STYK1: variants seen among roughly 807,000 people sequenced by gnomAD.
The protein encoded by STYK1 is tyrosine-protein kinase STYK1.
In STYK1, 46 loss-of-function variants were observed where a neutral mutation model predicts 48.1. The observed-to-expected ratio is 0.96, with a 90% CI of 0.75 to 1.22. The LOEUF is 1.22. Ranked by LOEUF, STYK1 falls within the 50% of genes most tolerant of loss-of-function variation. The probability of loss-of-function intolerance (pLI) is 0.00; values close to 1 mark genes in which losing one functional copy is unlikely to be tolerated. For missense variants in STYK1, 527 were observed against 521.1 expected (o/e 1.01, Z -0.11); for synonymous variants, 188 against 189.0 (o/e 0.99, Z 0.04).
At position 10,670,850 on chromosome 12, in the gene STYK1, T is replaced by C. The variant is rs542684570; in HGVS notation, c.-195+3116A>G. Among the ~76,000 whole-genome samples, 46 of 149,448 alleles carry C rather than the reference T, an allele frequency of 3.1e-4. No homozygotes were observed. The East Asian group carries it at 7.4e-3, about 24-fold the overall frequency. ...ATATGATAAATATATATATAATTTT[T>C]AATTTTTTTAATTAAACATAAATTT... On this transcript the variant is annotated intron_variant, in intron 1 of 10. Transcript: ENST00000075503.
At chr12:10,622,802 G>T in intron 8 of STYK1, 124 bp from the exon 9 acceptor site, 1 of 1,135,084 alleles carries the variant, frequency 8.8e-7, no homozygotes, top group South Asian at 1.4e-5. Flanking sequence ...AATCAAGGAT[G>T]AGTGTCTGAA....
At chr12:10,654,518 T>C (rs750073000) in intron 1 of STYK1, among the ~76,000 whole-genome samples, 9 of 152,034 alleles carry the variant, frequency 5.9e-5, no homozygotes, top group Non-Finnish European at 1.3e-4. Flanking sequence ...CCAAAGGAAA[T>C]AGACCACAGC....
At chr12:10,637,636 T>C (rs1306376816) in intron 1 of STYK1, among the ~76,000 whole-genome samples, 1 of 152,130 alleles carries the variant, frequency 6.6e-6, no homozygotes, top group East Asian at 1.9e-4. Flanking sequence ...CCACTGCGCC[T>C]GGCCGAGTCT....
chr12:10,671,610 C>A (rs766604493), intron 1 of STYK1, among the ~76,000 whole-genome samples: 27 of 152,142 alleles, frequency 1.8e-4, no homozygotes, highest in African/African-American at 5.6e-4. Context: ...ATTTGGAAAC[C>A]TGCCCATCCA....
At chr12:10,650,522 G>T (rs907379416) in intron 1 of STYK1, among the ~76,000 whole-genome samples, 1 of 152,184 alleles carries the variant, frequency 6.6e-6, no homozygotes, top group Non-Finnish European at 1.5e-5. Context: ...TCCTGATCAA[G>T]CTTCCCTTTT....
At chr12:10,639,729 T>TA (rs1565565508) in intron 1 of STYK1, among the ~76,000 whole-genome samples, 1 of 152,226 alleles carries the variant, frequency 6.6e-6, no homozygotes, top group African/African-American at 2.4e-5. Flanking sequence ...AGCCACTTTT[T>TA]AAAAAAAAAT....
intron 6 of STYK1, 28 bp downstream of exon 6, chr12:10,629,465 C>A (rs374992960): frequency 1.4e-5 from 22 of 1,611,640 alleles, no homozygotes; most frequent in Non-Finnish European, 1.8e-5. Context: ...AAGCCTTAAC[C>A]TCCTAATACC....
intron 5 of STYK1, 83 bp downstream of exon 5, chr12:10,630,962 C>T: frequency 6.5e-7 from 1 of 1,528,746 alleles, no homozygotes; most frequent in Non-Finnish European, 9.0e-7. Context: ...TCACAACTAT[C>T]TGTTAGTTAA....
intron 1 of STYK1, among the ~76,000 whole-genome samples, chr12:10,660,361 T>A (rs1189604398): frequency 6.6e-6 from 1 of 152,268 alleles, no homozygotes; most frequent in East Asian, 1.9e-4. Context: ...CACTAATAGT[T>A]AGGTATCAAT....
chr12:10,668,206 T>C (rs1017174629), intron 1 of STYK1, among the ~76,000 whole-genome samples: 8 of 152,052 alleles, frequency 5.3e-5, no homozygotes, highest in Non-Finnish European at 7.4e-5. Context: ...AAAATAATAA[T>C]AAAACAACTA....
rs11268204 is a variant in STYK1, at chr12:10,630,032, GGAGAGA to G, written c.452-364_452-359del. Among the ~76,000 whole-genome samples, 252 of 137,232 alleles carry G rather than the reference GGAGAGA, an allele frequency of 1.8e-3. 1 individual carries two copies. Among genetic ancestry groups the G allele is most frequent in the African/African-American group, 6.8e-3 (229 of 33,764 alleles). 90.0% of individuals were successfully genotyped at this position (137,232 alleles called of 152,430 possible). A position where few individuals can be genotyped will look rare whatever the true frequency, so the allele number is the denominator to read the frequency against. ...CCATTACTGGCCCATATCATGAAGAGGAGAGAGAGAGAGAGAGAGAGAGAGAGAGAG... is the reference window on the plus strand; with the variant it reads ...CCATTACTGGCCCATATCATGAAGAGGAGAGAGAGAGAGAGAGAGAGAGAG... On this transcript the variant is annotated intron_variant, in intron 5 of 10. Transcript: ENST00000075503.
In STYK1 at chr12:10,619,837, G is replaced by A. The variant is rs1865875937; in HGVS notation, c.*307C>T. On this transcript the variant is annotated 3_prime_UTR_variant, in exon 11 of 11. Coordinates refer to ENST00000075503, the MANE Select transcript of STYK1 (RefSeq NM_018423.3). ...AACTAGCCTCGGACGGGAGGGATGA[G>A]CTTATTTGTGCCATGCCCCAACAAA... 1 of 427,264 alleles carries A rather than the reference G, an allele frequency of 2.3e-6. No homozygotes were observed. The highest frequency in any genetic ancestry group is 3.4e-5 in the East Asian group (1 of 29,840). The allele number at this position is 427,264 out of a possible 1,614,324, so 26.5% of individuals were successfully genotyped here.
intron 1 of STYK1, among the ~76,000 whole-genome samples, chr12:10,671,792 G>A (rs1331849626): frequency 6.6e-6 from 1 of 152,192 alleles, no homozygotes; most frequent in African/African-American, 2.4e-5. Flanking sequence ...CATGTTGGTT[G>A]GGACTGGTTG....
Position 10,672,265 on chromosome 12 carries a change from G to A in STYK1, c.-195+1701C>T, listed in dbSNP as rs1056033957. ...CACCCGGGGCGCCGACAGGTACGGG[G>A]TGCACAGCAGGAAATCAGAGGCAGG... On this transcript the variant is annotated intron_variant, in intron 1 of 10. Coordinates refer to ENST00000075503, the MANE Select transcript of STYK1 (RefSeq NM_018423.3). This position sits in a 1 kb window ranked among gnomAD's most constrained non-coding sequence, Gnocchi z 4.0. Among the ~76,000 whole-genome samples the A allele has an allele frequency of 6.6e-6, 1 of 152,140 alleles. No homozygotes were observed. Among genetic ancestry groups the A allele is most frequent in the African/African-American group, 2.4e-5 (1 of 41,426 alleles).
In STYK1 at chr12:10,624,826, C is replaced by A; in HGVS notation, c.751G>T (p.Asp251Tyr). 5 of 1,614,140 alleles carry A rather than the reference C, an allele frequency of 3.1e-6. No homozygotes were observed. The highest frequency in any genetic ancestry group is 4.2e-6 in the Non-Finnish European group (5 of 1,180,014). ...ATCAGAATATTCCTGGCTGCCACATCCCCATGGAACAAATGCTTCTCCTGC... is the reference window on the plus strand; with the variant it reads ...ATCAGAATATTCCTGGCTGCCACATACCCATGGAACAAATGCTTCTCCTGC... ...FLQEKHLFHG[D>Y]VAARNILMQS... is the part of the protein sequence containing the mutation. Residue 251 changes from aspartate to tyrosine, a missense_variant, in exon 8 of 11, where the codon GAT becomes TAT. Asp to Tyr is a radical substitution (Grantham distance 160). Coordinates refer to ENST00000075503, the MANE Select transcript of STYK1 (RefSeq NM_018423.3).
intron 1 of STYK1, among the ~76,000 whole-genome samples, chr12:10,637,399 G>A (rs1036969246): frequency 1.3e-5 from 2 of 148,534 alleles, no homozygotes; most frequent in Non-Finnish European, 3.0e-5. Flanking sequence ...GTGCAGTGGC[G>A]TGATCTCTGC....
chr12:10,670,307 T>C (rs1325452652), intron 1 of STYK1, among the ~76,000 whole-genome samples: 1 of 152,100 alleles, frequency 6.6e-6, no homozygotes, highest in Non-Finnish European at 1.5e-5. Flanking sequence ...TTGTTCACAA[T>C]ATCCAAGAGA....
intron 1 of STYK1, among the ~76,000 whole-genome samples, chr12:10,656,740 G>C (rs1270233124): frequency 6.6e-6 from 1 of 152,164 alleles, no homozygotes; most frequent in East Asian, 1.9e-4. Context: ...ATTTCTAACA[G>C]CTTGAGACTC....
chr12:10,635,042 T>C (rs1385667743), intron 2 of STYK1, among the ~76,000 whole-genome samples: 1 of 152,232 alleles, frequency 6.6e-6, no homozygotes, highest in African/African-American at 2.4e-5. Flanking sequence ...ATCCATGGGT[T>C]ATGTGGGCAT....
Sources: gnomAD v4.1 joint callset for allele counts (sites outside exome capture counted in the v4.1 genomes callset) on GRCh38, gnomAD v4.1.1 for gene constraint, Gnocchi (gnomAD v3.1) non-coding constraint, MANE v1.5 for transcripts, NCBI Gene and HGNC (gene_info 2026-07-23, HGNC 2026-07-21) for gene names.